The following ABCC4 variants were observed in gnomAD, a reference collection of about 807,000 sequenced individuals.
ABCC4 encodes the protein ATP-binding cassette sub-family C member 4.
Under a neutral mutation model 168.5 loss-of-function variants are expected in ABCC4, and 102 were observed. The observed-to-expected ratio is 0.61, with a 90% CI of 0.52 to 0.71. ABCC4 has a LOEUF of 0.71. Ranked by LOEUF, ABCC4 falls within the 30% of genes least tolerant of loss-of-function variation. The pLI is 0.00. For missense variants in ABCC4, 1,402 were observed against 1,605.8 expected (o/e 0.87, Z 2.17); for synonymous variants, 617 against 590.7 (o/e 1.04, Z -0.65).
intron 1 of ABCC4, among the ~76,000 whole-genome samples, chr13:95,257,809 T>C (rs927052020): frequency 6.6e-5 from 10 of 152,202 alleles, no homozygotes; most frequent in African/African-American, 2.2e-4. Context: ...CATGTGAACA[T>C]GTAATTCACA....
chr13:95,170,726 A>G, intron 13 of ABCC4, 98 bp from the exon 14 acceptor site: 1 of 690,570 alleles, frequency 1.4e-6, no homozygotes, highest in African/African-American at 1.8e-5. Flanking sequence ...ACAACACAGT[A>G]GTCAAAGATC....
chr13:95,174,526 T>C (rs2037597569), intron 13 of ABCC4, among the ~76,000 whole-genome samples: 1 of 152,248 alleles, frequency 6.6e-6, no homozygotes, highest in African/African-American at 2.4e-5. Flanking sequence ...TTAACAAGCT[T>C]GCTTCTAACA....
At chr13:95,145,555 T>C (rs971393271) in intron 19 of ABCC4, among the ~76,000 whole-genome samples, 1 of 131,520 alleles carries the variant, frequency 7.6e-6, no homozygotes, top group African/African-American at 2.9e-5. Flanking sequence ...CTCCGGGAGG[T>C]GGAGGTTACA....
chr13:95,037,014 G>A (rs1022901349), intron 29 of ABCC4, among the ~76,000 whole-genome samples: 1 of 148,546 alleles, frequency 6.7e-6, no homozygotes, highest in Non-Finnish European at 1.5e-5. Context: ...AACCCAGGAG[G>A]TGGAGGATGC....
chr13:95,062,486 T>TCACA (rs1490489305), intron 26 of ABCC4, among the ~76,000 whole-genome samples: 24,312 of 144,800 alleles, frequency 0.17, 2,393 homozygotes, highest in African/African-American at 0.26. Flanking sequence ...TTATTAAATA[T>TCACA]CACACACACA....
chr13:95,031,997 T>A (rs2031898504), intron 30 of ABCC4, among the ~76,000 whole-genome samples: 1 of 152,184 alleles, frequency 6.6e-6, no homozygotes, highest in South Asian at 2.1e-4. Flanking sequence ...GGTTCCTGGC[T>A]CTTTTGTGAC....
chr13:95,040,648 T>G (rs977826756), intron 29 of ABCC4, among the ~76,000 whole-genome samples: 2 of 152,212 alleles, frequency 1.3e-5, no homozygotes, highest in African/African-American at 4.8e-5. Flanking sequence ...ATGTTCTAAT[T>G]GTGGCCGTTG....
chr13:95,286,371 C>T (rs944675074), intron 1 of ABCC4, among the ~76,000 whole-genome samples: 3 of 151,926 alleles, frequency 2.0e-5, no homozygotes, highest in Admixed American at 6.6e-5. Context: ...CCGCCTGCCT[C>T]GGCCTCCCAA....
intron 19 of ABCC4, among the ~76,000 whole-genome samples, chr13:95,144,140 C>A (rs967383224): frequency 2.6e-5 from 4 of 152,130 alleles, no homozygotes; most frequent in African/African-American, 9.7e-5. Flanking sequence ...CCAGGTCACA[C>A]AAATTTGTCA....
chr13:95,146,944 G>C (rs1262854230), intron 19 of ABCC4, among the ~76,000 whole-genome samples: 2 of 152,060 alleles, frequency 1.3e-5, no homozygotes, highest in Non-Finnish European at 2.9e-5. Context: ...TTCAAGGGTG[G>C]GGCAAAACTA....
At chr13:95,212,899 A>G (rs1317971354) in intron 4 of ABCC4, among the ~76,000 whole-genome samples, 1 of 152,104 alleles carries the variant, frequency 6.6e-6, no homozygotes, top group Non-Finnish European at 1.5e-5. Flanking sequence ...AGGCTGAGGC[A>G]GGCAGATCAC....
intron 19 of ABCC4, among the ~76,000 whole-genome samples, chr13:95,131,948 CAT>C (rs559423754): frequency 6.6e-6 from 1 of 152,086 alleles, no homozygotes; most frequent in African/African-American, 2.4e-5. Context: ...TCCACCTCTA[CAT>C]ATATACACAA....
At chr13:95,037,149 C>A (rs1323155370) in intron 29 of ABCC4, among the ~76,000 whole-genome samples, 4 of 147,934 alleles carry the variant, frequency 2.7e-5, no homozygotes, top group African/African-American at 1.0e-4. Flanking sequence ...TTATAATGAA[C>A]TGGATTATTA....
rs140957166 is a variant in ABCC4, at chr13:95,301,305, C to T, written c.10G>A (p.Val4Met). 4.4e-6 allele frequency: 7 copies of T among 1,591,780 alleles called. No homozygotes were observed. Among genetic ancestry groups the T allele is most frequent in the Middle Eastern group, 3.3e-4 (2 of 5,982 alleles). The change falls in exon 1 of 31, where the codon GTG becomes ATG. Residue 4 changes from valine (V) to methionine (M), a missense_variant. Coordinates refer to ENST00000645237, the MANE Select transcript of ABCC4 (RefSeq NM_005845.5). Reference sequence around the variant, plus strand: ...GGGTTGGGCTTCACCTCCTGGTACACGGGCAGCATCTTGCCGGGCGGGGCG... The same window carrying T: ...GGGTTGGGCTTCACCTCCTGGTACATGGGCAGCATCTTGCCGGGCGGGGCG... Reference protein sequence around the residue: MLPVYQEVKPNPLQ... With the variant: MLPMYQEVKPNPLQ...
At chr13:95,096,281 T>C (rs781223840) in intron 20 of ABCC4, 37 of 451,026 alleles carry the variant, frequency 8.2e-5, no homozygotes, top group Non-Finnish European at 1.2e-4. Flanking sequence ...ATTATCCAAA[T>C]GAAAGACAAA....
At position 95,094,767 on chromosome 13, in the gene ABCC4, T is replaced by C. The variant is rs147756744; in HGVS notation, c.2536-11477A>G. Among the ~76,000 whole-genome samples, 78 of 152,244 alleles carry C rather than the reference T, an allele frequency of 5.1e-4. No homozygotes were observed. In the East Asian group the frequency reaches 7.0e-3, roughly 14 times the overall value. On this transcript the variant is annotated intron_variant, in intron 20 of 30. Transcript: ENST00000645237. ...AGTGGGAGTAAATCTTCACAATCTA[T>C]ACACATTTGACAAAGGAGTAATATC...
chr13:95,299,485 C>T (rs1446976871), intron 1 of ABCC4, among the ~76,000 whole-genome samples: 1 of 152,140 alleles, frequency 6.6e-6, no homozygotes, highest in Non-Finnish European at 1.5e-5. Flanking sequence ...TTGGAATCCC[C>T]TAGGTCAAGC....
chr13:95,074,383 T>C (rs1409339624), intron 22 of ABCC4, 59 bp from the exon 23 acceptor site: 2 of 1,385,878 alleles, frequency 1.4e-6, no homozygotes, highest in African/African-American at 1.4e-5. Context: ...CGAGTGTGTT[T>C]TGCTCAGTTG....
At chr13:95,053,331 A>T in intron 26 of ABCC4, 147 bp from the exon 27 acceptor site, 1 of 691,374 alleles carries the variant, frequency 1.4e-6, no homozygotes, top group South Asian at 1.8e-5. Context: ...ACAAAACAAC[A>T]TATCTATTAA....
Sources: gnomAD v4.1 joint callset for allele counts (sites outside exome capture counted in the v4.1 genomes callset) on GRCh38, gnomAD v4.1.1 for gene constraint, MANE v1.5 for transcripts, NCBI Gene and HGNC (gene_info 2026-07-23, HGNC 2026-07-21) for gene names.